Variants in TRAPPC9 observed in about 807,000 individuals in gnomAD.
The protein encoded by TRAPPC9 is trafficking protein particle complex subunit 9, also known as IKK2 binding protein.
In TRAPPC9, 83 loss-of-function variants were observed where a neutral mutation model predicts 124.0. That is an observed-to-expected ratio of 0.67 (90% CI 0.56 to 0.80). The LOEUF (loss-of-function observed/expected upper bound fraction) is 0.80. Ranked by LOEUF, TRAPPC9 falls within the 30% of genes least tolerant of loss-of-function variation. The pLI is 0.00. For synonymous variants in TRAPPC9, 638 were observed against 617.5 expected (o/e 1.03, Z -0.49); for missense variants, 1,302 against 1,508.3 (o/e 0.86, Z 2.27).
At chr8:139,795,090 A>G (rs1044539886) in intron 21 of TRAPPC9, among the ~76,000 whole-genome samples, 3 of 152,182 alleles carry the variant, frequency 2.0e-5, no homozygotes, top group African/African-American at 4.8e-5. Flanking sequence ...ATAACTTATC[A>G]GGGTCTTGAA....
At chr8:139,869,885 T>C (rs1828787285) in intron 21 of TRAPPC9, among the ~76,000 whole-genome samples, 1 of 152,060 alleles carries the variant, frequency 6.6e-6, no homozygotes, top group African/African-American at 2.4e-5. Context: ...AAACATTAAA[T>C]TCTAGAACAT....
chr8:140,073,096 G>T (rs1234405695), intron 17 of TRAPPC9, among the ~76,000 whole-genome samples: 1 of 152,206 alleles, frequency 6.6e-6, no homozygotes, highest in Admixed American at 6.5e-5. Context: ...ACTGCCGGGG[G>T]AATGTAAAAT....
At chr8:140,191,301 G>T (rs983560062) in intron 17 of TRAPPC9, among the ~76,000 whole-genome samples, 2 of 152,148 alleles carry the variant, frequency 1.3e-5, no homozygotes, top group African/African-American at 2.4e-5. Context: ...TGCCAGTGGG[G>T]GATACTAATA....
At chr8:140,203,873 C>CT (rs146370367) in intron 17 of TRAPPC9, among the ~76,000 whole-genome samples, 53,918 of 151,600 alleles carry the variant, frequency 0.36, 9,782 homozygotes, top group East Asian at 0.59. Flanking sequence ...GTATTAAGCT[C>CT]CAAAGACTAA....
chr8:139,892,269 C>T (rs532734255), intron 20 of TRAPPC9, among the ~76,000 whole-genome samples: 2 of 152,302 alleles, frequency 1.3e-5, no homozygotes, highest in African/African-American at 4.8e-5. Context: ...CAAGGGACAC[C>T]ACGATGGCTC....
chr8:140,322,339 C>G (rs903676496), intron 9 of TRAPPC9, among the ~76,000 whole-genome samples: 29 of 152,152 alleles, frequency 1.9e-4, no homozygotes, highest in African/African-American at 6.8e-4. Context: ...AAGGCTACAC[C>G]CAGCTCAACT....
rs1270917724 is a variant in TRAPPC9 at position 140,216,489 on chromosome 8, T to G, written c.2556+4970A>C. ...CTGTGAGACACAGAAAAAATCCTCT[T>G]CTTGTCTAACAGAGTACCTCAAATG... is the stretch of plus-strand genomic sequence containing the variant. On this transcript the variant is annotated intron_variant, in intron 17 of 22. Coordinates refer to ENST00000438773, the MANE Select transcript of TRAPPC9 (RefSeq NM_001160372.4). The surrounding 1 kb of genome is among the most constrained non-coding windows in gnomAD (Gnocchi z 4.1). Among the ~76,000 whole-genome samples, 2 of 152,146 alleles carry G rather than the reference T, an allele frequency of 1.3e-5. No individual in the cohort carries two copies. Among genetic ancestry groups the G allele is most frequent in the Admixed American group, 1.3e-4 (2 of 15,284 alleles).
intron 18 of TRAPPC9, among the ~76,000 whole-genome samples, chr8:139,999,859 G>A (rs1474125634): frequency 6.6e-6 from 1 of 152,120 alleles, no homozygotes; most frequent in Non-Finnish European, 1.5e-5. Flanking sequence ...AAAATATTTT[G>A]GAGTGAACAA....
intron 20 of TRAPPC9, among the ~76,000 whole-genome samples, chr8:139,899,882 T>C (rs1830912055): frequency 6.6e-6 from 1 of 152,172 alleles, no homozygotes; most frequent in Non-Finnish European, 1.5e-5. Context: ...GAGACAGACC[T>C]GTACTGCCCT....
chr8:139,755,898 A>ACCG (rs1819723381), intron 21 of TRAPPC9, among the ~76,000 whole-genome samples: 2 of 138,412 alleles, frequency 1.4e-5, no homozygotes, highest in Non-Finnish European at 3.1e-5. Context: ...GGGGATGAGG[A>ACCG]CAGTGTGTCG....
chr8:139,735,956 G>A (rs564433807), intron 21 of TRAPPC9, among the ~76,000 whole-genome samples: 13 of 152,372 alleles, frequency 8.5e-5, no homozygotes, highest in Admixed American at 5.2e-4. Context: ...GTTGTGGGCA[G>A]AGCCACACCC....
intron 17 of TRAPPC9, among the ~76,000 whole-genome samples, chr8:140,127,661 C>A (rs182019315): frequency 6.6e-6 from 1 of 152,302 alleles, no homozygotes; most frequent in East Asian, 1.9e-4. Context: ...AATACATATT[C>A]CAGAAATAAT....
chr8:139,731,888 T>A, intron 22 of TRAPPC9, 91 bp downstream of exon 22: 7 of 1,208,226 alleles, frequency 5.8e-6, no homozygotes, highest in Non-Finnish European at 8.4e-6. Flanking sequence ...CTGCTGGACA[T>A]ATGCTGACCC....
At chr8:140,402,815 T>G (rs548459024) in intron 6 of TRAPPC9, among the ~76,000 whole-genome samples, 9 of 152,054 alleles carry the variant, frequency 5.9e-5, no homozygotes, top group African/African-American at 1.9e-4. Flanking sequence ...AGTTAATATG[T>G]GAAAGTATTT....
chr8:140,167,620 T>C (rs1482380999), intron 17 of TRAPPC9, among the ~76,000 whole-genome samples: 1 of 152,134 alleles, frequency 6.6e-6, no homozygotes, highest in Non-Finnish European at 1.5e-5. Flanking sequence ...TATAGGAACA[T>C]GAAGGTATGT....
intron 17 of TRAPPC9, among the ~76,000 whole-genome samples, chr8:140,138,668 G>A (rs183679117): frequency 1.3e-5 from 2 of 152,286 alleles, no homozygotes; most frequent in Non-Finnish European, 2.9e-5. Flanking sequence ...AGAACAGTAA[G>A]CGCATTCTGC....
At chr8:139,823,746 G>A (rs1346596938) in intron 21 of TRAPPC9, among the ~76,000 whole-genome samples, 2 of 152,230 alleles carry the variant, frequency 1.3e-5, no homozygotes, top group African/African-American at 4.8e-5. Context: ...CTGACGCTGA[G>A]CTCTGAACAT....
At chr8:139,873,315 G>T (rs902996887) in intron 21 of TRAPPC9, among the ~76,000 whole-genome samples, 10 of 152,126 alleles carry the variant, frequency 6.6e-5, no homozygotes, top group African/African-American at 2.4e-4. Context: ...ATCACTGATA[G>T]GTGATCATAT....
chr8:140,082,182 T>C lies in TRAPPC9; in HGVS notation c.2557-58103A>G, dbSNP rs988786936. On this transcript the variant is annotated intron_variant, in intron 17 of 22. Coordinates refer to ENST00000438773, the MANE Select transcript of TRAPPC9 (RefSeq NM_001160372.4). Reference sequence around the variant, plus strand: ...CTCCAGCCCATATGAAAGCCACATGTTTCTGTTATCAGACCCAACAGCCAC... The same window carrying C: ...CTCCAGCCCATATGAAAGCCACATGCTTCTGTTATCAGACCCAACAGCCAC... 7 of 152,344 alleles carry C rather than the reference T, an allele frequency of 4.6e-5. No homozygotes were observed. The East Asian group carries it at 1.2e-3, about 25-fold the overall frequency. 9.4% of individuals were successfully genotyped at this position (152,344 alleles called of 1,614,324 possible). A position where few individuals can be genotyped will look rare whatever the true frequency, so the allele number is the denominator to read the frequency against.
Sources: gnomAD v4.1 joint callset for allele counts (sites outside exome capture counted in the v4.1 genomes callset) on GRCh38, gnomAD v4.1.1 for gene constraint, Gnocchi (gnomAD v3.1) non-coding constraint, MANE v1.5 for transcripts, NCBI Gene and HGNC (gene_info 2026-07-23, HGNC 2026-07-21) for gene names.